Variants in SLC45A4 observed in about 807,000 individuals in gnomAD.
The protein encoded by SLC45A4 is solute carrier family 45 member 4, also known as polyamine-transporter SLC45A4.
Under a neutral mutation model 63.7 loss-of-function variants are expected in SLC45A4, and 32 were observed. The observed-to-expected ratio is 0.50, with a 90% CI of 0.38 to 0.67. The LOEUF is 0.67. Among genes scored for constraint, SLC45A4 ranks in the 30% least tolerant of loss-of-function variants. The pLI, the probability that SLC45A4 is intolerant of heterozygous loss-of-function variation, is 0.00. For missense variants in SLC45A4, 1,027 were observed against 1,157.7 expected, an observed-to-expected ratio of 0.89 and a Z score of 1.64; for synonymous variants, 535 against 510.0, an observed-to-expected ratio of 1.05 and a Z score of -0.66.
At chr8:141,225,442 A>G (rs1826917988) in intron 2 of SLC45A4, 1 of 152,294 alleles carries the variant, frequency 6.6e-6, no homozygotes, top group African/African-American at 2.4e-5. Context: ...AAGCGGTGCC[A>G]AGAGAGAAAC....
At chr8:141,276,473 G>A (rs1406398165) in intron 1 of SLC45A4, among the ~76,000 whole-genome samples, 1 of 152,194 alleles carries the variant, frequency 6.6e-6, no homozygotes, top group South Asian at 2.1e-4. Context: ...CACTACAGAA[G>A]CCTTCCCCAA....
chr8:141,219,142 G>C, intron 4 of SLC45A4, 113 bp from the exon 5 acceptor site: 2 of 1,223,306 alleles, frequency 1.6e-6, no homozygotes, highest in Non-Finnish European at 2.3e-6. Context: ...CATGATGGGA[G>C]TCAGGGGCTG....
At position 141,215,845 on chromosome 8, in the gene SLC45A4, C is replaced by G; in HGVS notation, c.1855G>C (p.Val619Leu). Residue 619 changes from valine to leucine, a missense_variant, in exon 7 of 9, where the codon GTC becomes CTC. Coordinates refer to ENST00000517878, the MANE Select transcript of SLC45A4 (RefSeq NM_001286646.2). The surrounding 1 kb of genome is among the most constrained non-coding windows in gnomAD (Gnocchi z 4.3). ...ACGATGCCCATGGTGCTGATGGTGACCATGGCGACGTAGACGTTGGGAAAC... is the reference window on the plus strand; with the variant it reads ...ACGATGCCCATGGTGCTGATGGTGAGCATGGCGACGTAGACGTTGGGAAAC... ...AMFPNVYVAM[V>L]TISTMGIVSM... 6.2e-7 allele frequency: 1 copy of G among 1,614,156 alleles called. No homozygotes were observed. Among genetic ancestry groups the G allele is most frequent in the Middle Eastern group, 1.6e-4 (1 of 6,062 alleles).
At chr8:141,274,485 G>A (rs931369046) in intron 1 of SLC45A4, among the ~76,000 whole-genome samples, 1 of 143,458 alleles carries the variant, frequency 7.0e-6, no homozygotes, top group East Asian at 2.0e-4. Context: ...AGTGAGCCGC[G>A]ATCGCACCAT....
chr8:141,221,836 C>G, intron 2 of SLC45A4, 71 bp from the exon 3 acceptor site: 1 of 1,542,220 alleles, frequency 6.5e-7, no homozygotes, highest in South Asian at 1.2e-5. Flanking sequence ...CCTGGGAGCC[C>G]CGCGACAGGC....
intron 2 of SLC45A4, among the ~76,000 whole-genome samples, chr8:141,222,099 A>G (rs1826679638): frequency 1.5e-4 from 1 of 6,538 alleles, no homozygotes; most frequent in African/African-American, 2.6e-4. Context: ...GGCTGGACAC[A>G]GGGCTGAGCC....
chr8:141,219,120 C>G (rs550910642), intron 4 of SLC45A4, 91 bp from the exon 5 acceptor site: 1 of 1,436,982 alleles, frequency 7.0e-7, no homozygotes, highest in Non-Finnish European at 9.4e-7. Flanking sequence ...AACAGGGGGC[C>G]GGGGCTGCCC....
chr8:141,267,022 GC>G (rs1829294079), intron 1 of SLC45A4, among the ~76,000 whole-genome samples: 1 of 152,256 alleles, frequency 6.6e-6, no homozygotes, highest in South Asian at 2.1e-4. Flanking sequence ...ACACGACACA[GC>G]AAGGGAGCCC....
intron 7 of SLC45A4, among the ~76,000 whole-genome samples, chr8:141,214,192 CAA>C (rs11292288): frequency 3.2e-4 from 24 of 74,292 alleles, no homozygotes; most frequent in Admixed American, 4.4e-4. Context: ...ACTCTGTCTC[CAA>C]AAAAAAAAAA....
At chr8:141,243,112 C>T (rs1288140948) in intron 2 of SLC45A4, among the ~76,000 whole-genome samples, 5 of 152,194 alleles carry the variant, frequency 3.3e-5, no homozygotes, top group Non-Finnish European at 7.3e-5. Context: ...CTCTGAGCAC[C>T]ACCTTGCAGC....
chr8:141,238,391 T>C (rs1827735878), intron 2 of SLC45A4, among the ~76,000 whole-genome samples: 1 of 152,182 alleles, frequency 6.6e-6, no homozygotes, highest in South Asian at 2.1e-4. Context: ...GCACTTAGAC[T>C]GCCGTGCAAC....
intron 1 of SLC45A4, among the ~76,000 whole-genome samples, chr8:141,280,191 C>T (rs1368389891): frequency 1.3e-5 from 2 of 152,238 alleles, no homozygotes; most frequent in African/African-American, 4.8e-5. Context: ...GTGAGTGAGA[C>T]AGAGCAAGGG....
At chr8:141,306,697 C>T (rs1830907782) in intron 1 of SLC45A4, among the ~76,000 whole-genome samples, 1 of 152,202 alleles carries the variant, frequency 6.6e-6, no homozygotes, top group Admixed American at 6.5e-5. Flanking sequence ...AGATTCCTAC[C>T]ACATTCTACC....
chr8:141,285,149 G>A (rs559123116), intron 1 of SLC45A4, among the ~76,000 whole-genome samples: 1 of 152,330 alleles, frequency 6.6e-6, no homozygotes, highest in East Asian at 1.9e-4. Context: ...ACGGACTGAG[G>A]GCGGGTGAAA....
chr8:141,261,479 G>A (rs1213959012), intron 1 of SLC45A4, among the ~76,000 whole-genome samples: 4 of 152,024 alleles, frequency 2.6e-5, no homozygotes, highest in South Asian at 2.1e-4. Flanking sequence ...AAACCCCATC[G>A]TCTCAGCCCA....
intron 1 of SLC45A4, among the ~76,000 whole-genome samples, chr8:141,275,961 G>A (rs1829714081): frequency 6.6e-6 from 1 of 150,630 alleles, no homozygotes. Flanking sequence ...CACCCAGGCT[G>A]GAGTGCAGTG....
chr8:141,263,787 A>AAAAT (rs1563657435), intron 1 of SLC45A4, among the ~76,000 whole-genome samples: 4 of 143,844 alleles, frequency 2.8e-5, no homozygotes, highest in African/African-American at 7.7e-5. Flanking sequence ...AAAAAAATAA[A>AAAAT]AATAATAATA....
chr8:141,278,572 G>T lies in SLC45A4; in HGVS notation c.-400-23943C>A, dbSNP rs995184428. Among the ~76,000 whole-genome samples, 1 of 152,224 alleles carries T rather than the reference G, an allele frequency of 6.6e-6. No individual in the cohort carries two copies. Among genetic ancestry groups the T allele is most frequent in the Non-Finnish European group, 1.5e-5 (1 of 68,042 alleles). The stretch of plus-strand genomic sequence containing the variant: ...GGGTGAGCACCTGCAGTGGAGGTGG[G>T]GCGGGCAGCCGAAGGAGAGACAGGC... On this transcript the variant is annotated intron_variant, in intron 1 of 8. Transcript: ENST00000517878. The surrounding 1 kb of genome is among the most constrained non-coding windows in gnomAD (Gnocchi z 4.1).
intron 2 of SLC45A4, 145 bp downstream of exon 2, chr8:141,253,844 C>T (rs908436405): frequency 7.6e-7 from 1 of 1,312,084 alleles, no homozygotes; most frequent in Non-Finnish European, 1.0e-6. Context: ...ACCATCAGGG[C>T]AGGCTGAAGG....
Sources: allele counts gnomAD v4.1 joint callset (sites outside exome capture counted in the v4.1 genomes callset), GRCh38; gene constraint gnomAD v4.1.1; non-coding constraint Gnocchi (gnomAD v3.1); transcripts MANE v1.5; gene names NCBI Gene and HGNC (gene_info 2026-07-23, HGNC 2026-07-21).